SNRNP40: variants seen among roughly 807,000 people sequenced by gnomAD.
SNRNP40 encodes small nuclear ribonucleoprotein U5 subunit 40, also known as U5 small nuclear ribonucleoprotein 40 kDa protein.
Under a neutral mutation model 45.8 loss-of-function variants are expected in SNRNP40, and 21 were observed. The ratio of observed to expected loss-of-function variants is 0.46; its 90% CI spans 0.32 to 0.66. The LOEUF is 0.66. Among genes scored for constraint, SNRNP40 ranks in the 30% least tolerant of loss-of-function variants. SNRNP40 has a pLI of 0.03. For missense variants in SNRNP40, 344 were observed against 439.1 expected, an observed-to-expected ratio of 0.78 and a Z score of 1.94; for synonymous variants, 142 against 163.8, an observed-to-expected ratio of 0.87 and a Z score of 1.01.
In SNRNP40 at chr1:31,262,605, C is replaced by A. The variant is rs564663820; in HGVS notation, c.921-973G>T. 1.7e-4 allele frequency among the ~76,000 whole-genome samples: 26 copies of A among 148,876 alleles called. No individual in the cohort carries two copies. In the East Asian group the frequency reaches 5.1e-3, roughly 29 times the overall value. On this transcript the variant is annotated intron_variant, in intron 8 of 9. Transcript: ENST00000263694. ...TATTTTAGAGATAAGAAAACTGGGG[C>A]ACAGTGACGTTTCCAAGGCAATACA...
At chr1:31,289,102 T>A in intron 4 of SNRNP40, 152 bp downstream of exon 4, 1 of 617,370 alleles carries the variant, frequency 1.6e-6, no homozygotes, top group Non-Finnish European at 2.8e-6. Flanking sequence ...TATTAAATGT[T>A]TTATTTTAAA....
At position 31,291,433 on chromosome 1, in the gene SNRNP40, T is replaced by C. The variant is rs927827983; in HGVS notation, c.365+480A>G. Among the ~76,000 whole-genome samples the C allele has an allele frequency of 2.0e-5, 3 of 152,126 alleles. No individual in the cohort carries two copies. The East Asian group carries it at 5.8e-4, about 29-fold the overall frequency. On this transcript the variant is annotated intron_variant, in intron 3 of 9. Transcript: ENST00000263694. ...TCAGGCCAGGCATGGTGGTTAATTA[T>C]TGTAATCACAGCATTTTTGGGAGGC...
intron 1 of SNRNP40, 78 bp downstream of exon 1, chr1:31,296,533 G>C (rs549564379): frequency 8.0e-6 from 12 of 1,505,400 alleles, no homozygotes; most frequent in Non-Finnish European, 1.1e-5. Flanking sequence ...GCGGGAAAGG[G>C]TCAGGGATCA....
intron 8 of SNRNP40, chr1:31,263,188 C>G (rs1395028032): frequency 6.6e-6 from 1 of 151,966 alleles, no homozygotes; most frequent in Admixed American, 6.6e-5. Context: ...CATTTCTCTT[C>G]AAAAGTGATG....
At chr1:31,272,934 T>C (rs1358552199) in intron 5 of SNRNP40, among the ~76,000 whole-genome samples, 1 of 152,214 alleles carries the variant, frequency 6.6e-6, no homozygotes, top group Non-Finnish European at 1.5e-5. Context: ...CATATTGCAA[T>C]GTAGTTTTTT....
chr1:31,294,288 C>T (rs1358651348), intron 1 of SNRNP40, among the ~76,000 whole-genome samples: 1 of 151,924 alleles, frequency 6.6e-6, no homozygotes, highest in Non-Finnish European at 1.5e-5. Flanking sequence ...TCATAGCAAA[C>T]GGATCCTCAG....
At chr1:31,261,481 AC>A (rs777544942) in intron 9 of SNRNP40, 47 bp downstream of exon 9, 6 of 1,249,392 alleles carry the variant, frequency 4.8e-6, no homozygotes, top group Non-Finnish European at 7.1e-6. Context: ...CAGGATCCCT[AC>A]GGGGAGATTT....
rs898498221 is a variant in SNRNP40, at chr1:31,296,651, G to C, written c.101C>G (p.Ala34Gly). ...TCCCGGCGTCGCCTGCTGCTGCCCGGCTCCTGGGCCAGACCCCGCTCCCAA... is the reference window on the plus strand; with the variant it reads ...TCCCGGCGTCGCCTGCTGCTGCCCGCCTCCTGGGCCAGACCCCGCTCCCAA... ...LLLGAGSGPGAGQQQATPGAL... is the reference protein window; with the variant it reads ...LLLGAGSGPGGGQQQATPGAL... The change falls in exon 1 of 10, where the codon GCC (alanine) becomes GGC (glycine). Residue 34 changes from alanine (A) to glycine (G), a missense_variant. Transcript: ENST00000263694. 6.2e-7 allele frequency: 1 copy of C among 1,613,438 alleles called. No homozygotes were observed. The highest frequency in any genetic ancestry group is 2.2e-5 in the East Asian group (1 of 44,838).
intron 8 of SNRNP40, among the ~76,000 whole-genome samples, chr1:31,265,881 T>G (rs1433186493): frequency 6.6e-6 from 1 of 152,184 alleles, no homozygotes; most frequent in East Asian, 1.9e-4. Flanking sequence ...ACACTCTTTC[T>G]GCTGAAAATT....
intron 1 of SNRNP40, among the ~76,000 whole-genome samples, chr1:31,295,840 G>A (rs752169974): frequency 6.6e-6 from 1 of 152,264 alleles, no homozygotes; most frequent in Non-Finnish European, 1.5e-5. Context: ...GGCAATGATG[G>A]AGATGGTAGA....
At chr1:31,281,123 C>CA (rs1317483979) in intron 5 of SNRNP40, among the ~76,000 whole-genome samples, 1 of 152,206 alleles carries the variant, frequency 6.6e-6, no homozygotes, top group Non-Finnish European at 1.5e-5. Flanking sequence ...TTATTTTTTA[C>CA]ATAGTCCCCC....
intron 1 of SNRNP40, among the ~76,000 whole-genome samples, chr1:31,296,159 A>T (rs1646153643): frequency 6.6e-6 from 1 of 152,328 alleles, no homozygotes; most frequent in South Asian, 2.1e-4. Context: ...GTTAGCTGCT[A>T]TTTAGTTGTT....
intron 1 of SNRNP40, 106 bp downstream of exon 1, chr1:31,296,505 T>C: frequency 7.2e-7 from 1 of 1,396,904 alleles, no homozygotes; most frequent in Non-Finnish European, 9.7e-7. Flanking sequence ...GTAGAAACTC[T>C]CGTTCTGCCC....
At chr1:31,270,567 A>G (rs1645930356) in intron 6 of SNRNP40, among the ~76,000 whole-genome samples, 1 of 152,230 alleles carries the variant, frequency 6.6e-6, no homozygotes, top group African/African-American at 2.4e-5. Flanking sequence ...TTTGAGTATG[A>G]AAAAAGTATT....
chr1:31,282,692 T>C (rs189667208), intron 4 of SNRNP40, among the ~76,000 whole-genome samples: 1 of 152,058 alleles, frequency 6.6e-6, no homozygotes, highest in East Asian at 1.9e-4. Context: ...TCTATCTATC[T>C]AGGGACAGAC....
intron 8 of SNRNP40, among the ~76,000 whole-genome samples, chr1:31,262,127 T>C (rs1007058252): frequency 2.6e-5 from 4 of 152,156 alleles, no homozygotes; most frequent in Non-Finnish European, 4.4e-5. Context: ...AAAATATTTA[T>C]AGTGTTTGCT....
At chr1:31,285,523 G>T (rs376311390) in intron 4 of SNRNP40, among the ~76,000 whole-genome samples, 18 of 152,240 alleles carry the variant, frequency 1.2e-4, no homozygotes, top group African/African-American at 4.1e-4. Flanking sequence ...ACAGGCATAA[G>T]CCACTGCACC....
In SNRNP40 at chr1:31,267,905, C is replaced by G; in HGVS notation, c.886G>C (p.Asp296His). Residue 296 changes from aspartate to histidine, a missense_variant, in exon 8 of 10, where the codon GAT becomes CAT. Around this residue, in one of 2 missense-constraint regions of SNRNP40, gnomAD observed 254 missense variants for 380.2 expected, o/e 0.67. Transcript: ENST00000263694. ...KNLLRCSWSP[D>H]GSKIAAGSAD... ...GAGCCAGCTGCTATTTTGCTTCCAT[C>G]AGGTGACCAAGAACATCTCAGAAGG... 1 of 1,613,252 alleles carries G rather than the reference C, an allele frequency of 6.2e-7. No individual in the cohort carries two copies. Among genetic ancestry groups the G allele is most frequent in the Non-Finnish European group, 8.5e-7 (1 of 1,179,340 alleles).
At chr1:31,287,517 C>A (rs1255789920) in intron 4 of SNRNP40, among the ~76,000 whole-genome samples, 1 of 152,180 alleles carries the variant, frequency 6.6e-6, no homozygotes, top group African/African-American at 2.4e-5. Flanking sequence ...ACAAAATTCA[C>A]TGGGGCATTT....
Sources: gnomAD v4.1 joint callset for allele counts (sites outside exome capture counted in the v4.1 genomes callset) on GRCh38, gnomAD v4.1.1 for gene constraint, gnomAD v4.1.1 regional missense constraint, MANE v1.5 for transcripts, NCBI Gene and HGNC (gene_info 2026-07-23, HGNC 2026-07-21) for gene names.